The following SINHCAF variants were observed in gnomAD, a reference collection of about 807,000 sequenced individuals.
SINHCAF encodes SIN3-HDAC complex-associated factor.
In SINHCAF, 3 loss-of-function variants were observed where a neutral mutation model predicts 25.8. That is an observed-to-expected ratio of 0.12 (90% CI 0.05 to 0.30). The LOEUF (loss-of-function observed/expected upper bound fraction) is 0.30. SINHCAF is among the 10% of genes least tolerant of loss of function. The pLI, the probability that SINHCAF is intolerant of heterozygous loss-of-function variation, is 1.00. For missense variants in SINHCAF, 121 were observed against 262.3 expected (o/e 0.46, Z 3.72); for synonymous variants, 70 against 85.5 (o/e 0.82, Z 1.00).
intron 1 of SINHCAF, chr12:31,311,957 G>A: frequency 1.5e-6 from 1 of 655,180 alleles, no homozygotes; most frequent in East Asian, 4.3e-5. Flanking sequence ...GGTCCTGGGT[G>A]CCCCTGATAC....
chr12:31,283,571 C>G (rs779959146), intron 5 of SINHCAF, among the ~76,000 whole-genome samples: 1 of 151,744 alleles, frequency 6.6e-6, no homozygotes, highest in Non-Finnish European at 1.5e-5. Context: ...CCACTGCACT[C>G]TAGCCTGGGA....
chr12:31,300,210 C>CA (rs1938728620), intron 1 of SINHCAF, among the ~76,000 whole-genome samples: 1 of 152,116 alleles, frequency 6.6e-6, no homozygotes, highest in Admixed American at 6.5e-5. Context: ...GAAATATAGA[C>CA]AGAGGTTTTA....
chr12:31,288,336 C>G (rs1169668643), intron 4 of SINHCAF, among the ~76,000 whole-genome samples: 1 of 152,170 alleles, frequency 6.6e-6, no homozygotes, highest in East Asian at 1.9e-4. Context: ...CCAGCCAAAC[C>G]CACGGAAAAA....
chr12:31,314,557 G>C (rs990952923), intron 1 of SINHCAF, among the ~76,000 whole-genome samples: 9 of 151,524 alleles, frequency 5.9e-5, no homozygotes, highest in Non-Finnish European at 1.2e-4. Flanking sequence ...ATAGAGTGAA[G>C]GTGTAGGTGG....
intron 1 of SINHCAF, among the ~76,000 whole-genome samples, chr12:31,308,399 T>G (rs1039335793): frequency 6.6e-6 from 1 of 152,178 alleles, no homozygotes; most frequent in Non-Finnish European, 1.5e-5. Flanking sequence ...CCAAGAACCC[T>G]CTAAGCTATT....
At chr12:31,307,069 G>C (rs188140077) in intron 1 of SINHCAF, among the ~76,000 whole-genome samples, 18 of 152,274 alleles carry the variant, frequency 1.2e-4, no homozygotes, top group Admixed American at 1.0e-3. Flanking sequence ...GTGTCATCAG[G>C]ATGAAGTAAT....
At chr12:31,310,298 G>A (rs1260010363) in intron 1 of SINHCAF, among the ~76,000 whole-genome samples, 4 of 152,116 alleles carry the variant, frequency 2.6e-5, no homozygotes, top group African/African-American at 9.7e-5. Context: ...CAAGTAAGGT[G>A]GAATTTATAA....
chr12:31,297,868 G>A (rs1222629774), intron 2 of SINHCAF, among the ~76,000 whole-genome samples: 11 of 152,070 alleles, frequency 7.2e-5, no homozygotes, highest in Admixed American at 5.2e-4. Flanking sequence ...GGGGCTTCAC[G>A]ATTAATGTGG....
At chr12:31,301,416 G>A (rs192513934) in intron 1 of SINHCAF, among the ~76,000 whole-genome samples, 4 of 152,270 alleles carry the variant, frequency 2.6e-5, no homozygotes, top group Non-Finnish European at 5.9e-5. Flanking sequence ...ACATCTGAGA[G>A]GGATCTAAAT....
intron 5 of SINHCAF, among the ~76,000 whole-genome samples, chr12:31,287,340 C>CT (rs1011979475): frequency 6.6e-6 from 1 of 152,094 alleles, no homozygotes; most frequent in African/African-American, 2.4e-5. Context: ...TTGGTCACGT[C>CT]TTTTTGAAGG....
chr12:31,285,303 G>A (rs183724374), intron 5 of SINHCAF, among the ~76,000 whole-genome samples: 3 of 151,876 alleles, frequency 2.0e-5, no homozygotes, highest in African/African-American at 2.4e-5. Flanking sequence ...CAGGAAAATC[G>A]CTTGAACCCA....
At chr12:31,316,671 G>A (rs780733337) in intron 1 of SINHCAF, among the ~76,000 whole-genome samples, 1 of 152,084 alleles carries the variant, frequency 6.6e-6, no homozygotes, top group Non-Finnish European at 1.5e-5. Context: ...TATTAAAGAC[G>A]CTATTTAAGA....
chr12:31,311,009 A>G lies in SINHCAF; in HGVS notation c.-20-12785T>C, dbSNP rs1178877113. Among the ~76,000 whole-genome samples the G allele has an allele frequency of 2.0e-5, 3 of 152,034 alleles. No homozygotes were observed. The East Asian group carries it at 5.8e-4, about 30-fold the overall frequency. ...CTCAGCCTCCTGAGGAACTAAGATT[A>G]CAGGTGTGTGCCACCACGACTGGCT... On this transcript the variant is annotated intron_variant, in intron 1 of 5. Transcript: ENST00000337682.
At chr12:31,313,869 G>A (rs1002878821) in intron 1 of SINHCAF, among the ~76,000 whole-genome samples, 8 of 151,804 alleles carry the variant, frequency 5.3e-5, no homozygotes, top group Admixed American at 1.3e-4. Flanking sequence ...AGGCTAGGCT[G>A]GTCTCGAACT....
At chr12:31,308,373 C>G (rs1939121030) in intron 1 of SINHCAF, among the ~76,000 whole-genome samples, 1 of 152,138 alleles carries the variant, frequency 6.6e-6, no homozygotes, top group Non-Finnish European at 1.5e-5. Flanking sequence ...CCAGCTTCCA[C>G]AACAGCAGGC....
chr12:31,323,826 G>A, intron 1 of SINHCAF: 1 of 413,712 alleles, frequency 2.4e-6, no homozygotes, highest in Non-Finnish European at 5.0e-6. Flanking sequence ...GTCGGGGCTG[G>A]GTCCCCTGGA....
rs116372150 is a variant in SINHCAF, at chr12:31,320,249, A to G, written c.-21+5775T>C. 2.7e-3 allele frequency among the ~76,000 whole-genome samples: 410 copies of G among 152,280 alleles called. 2 individuals are homozygous for G. The highest frequency in any genetic ancestry group is 9.2e-3 in the African/African-American group (384 of 41,556). ...TGCTCCTGCCTACCAGCTGCTCCCA[A>G]CTTGGAATTCTGATATTCTAGGAGT... On this transcript the variant is annotated intron_variant, in intron 1 of 5. Transcript: ENST00000337682.
rs553918084 is a variant in SINHCAF, at chr12:31,281,676, G to A, written c.*1036C>T. On this transcript the variant is annotated 3_prime_UTR_variant, in exon 6 of 6. Coordinates refer to ENST00000337682, the MANE Select transcript of SINHCAF (RefSeq NM_001135812.2). ...TTCAGATAGCTTAACATTTTTAATC[G>A]AGTGTGTTCTCTACCATGCGGTAAT... is the stretch of plus-strand genomic sequence containing the variant. 1 of 152,248 alleles carries A rather than the reference G, an allele frequency of 6.6e-6. No homozygotes were observed. The highest frequency in any genetic ancestry group is 2.4e-5 in the African/African-American group (1 of 41,546). 9.4% of individuals were successfully genotyped at this position (152,248 alleles called of 1,614,324 possible).
chr12:31,294,254 G>A (rs1328579655), intron 3 of SINHCAF, among the ~76,000 whole-genome samples: 2 of 152,142 alleles, frequency 1.3e-5, no homozygotes, highest in Non-Finnish European at 2.9e-5. Context: ...ATTTCTACAG[G>A]ATAATGTTTT....
Sources: allele counts gnomAD v4.1 joint callset (sites outside exome capture counted in the v4.1 genomes callset), GRCh38; gene constraint gnomAD v4.1.1; transcripts MANE v1.5; gene names NCBI Gene and HGNC (gene_info 2026-07-23, HGNC 2026-07-21).